SGCZ: variants seen among roughly 807,000 people sequenced by gnomAD.
SGCZ encodes zeta-sarcoglycan.
SGCZ carries 40 observed loss-of-function variants against 41.3 expected under a neutral mutation model. The ratio of observed to expected loss-of-function variants is 0.97; its 90% CI spans 0.75 to 1.26. SGCZ has a LOEUF of 1.26. Among genes scored for constraint, SGCZ ranks in the 50% most tolerant of loss-of-function variants. The pLI is 0.00. For synonymous variants in SGCZ, 206 were observed against 137.5 expected, an observed-to-expected ratio of 1.50 and a Z score of -3.49; for missense variants, 552 against 369.8, an observed-to-expected ratio of 1.49 and a Z score of -4.04.
intron 1 of SGCZ, among the ~76,000 whole-genome samples, chr8:14,623,374 G>C (rs1035171146): frequency 1.3e-5 from 2 of 152,144 alleles, no homozygotes; most frequent in South Asian, 2.1e-4. Flanking sequence ...ACATCTCTTT[G>C]CGTGAAGCAA....
intron 5 of SGCZ, among the ~76,000 whole-genome samples, chr8:14,124,566 T>G (rs1054120991): frequency 1.3e-5 from 2 of 152,208 alleles, no homozygotes; most frequent in African/African-American, 2.4e-5. Context: ...ATATTACTGT[T>G]TTACCAAATT....
At chr8:15,013,153 T>A (rs1448313712) in intron 1 of SGCZ, among the ~76,000 whole-genome samples, 1 of 152,176 alleles carries the variant, frequency 6.6e-6, no homozygotes, top group Non-Finnish European at 1.5e-5. Flanking sequence ...GGAGTAGACT[T>A]ATCTCCCTTA....
chr8:14,324,557 G>A (rs1412555293), intron 2 of SGCZ, among the ~76,000 whole-genome samples: 1 of 152,036 alleles, frequency 6.6e-6, no homozygotes, highest in East Asian at 1.9e-4. Context: ...AACTTTGTTT[G>A]CAGAGAAATC....
chr8:14,251,980 G>A (rs188040281), intron 3 of SGCZ, among the ~76,000 whole-genome samples: 22 of 152,194 alleles, frequency 1.4e-4, no homozygotes, highest in Admixed American at 3.9e-4. Flanking sequence ...AAAGTGTTGG[G>A]ATTACAGGCG....
At chr8:14,181,513 A>G (rs865937066) in intron 4 of SGCZ, among the ~76,000 whole-genome samples, 1 of 152,168 alleles carries the variant, frequency 6.6e-6, no homozygotes, top group African/African-American at 2.4e-5. Context: ...TTACCTGTTG[A>G]TATGGTTTGG....
intron 1 of SGCZ, among the ~76,000 whole-genome samples, chr8:14,686,707 C>T (rs1457667779): frequency 6.6e-6 from 1 of 151,948 alleles, no homozygotes; most frequent in Admixed American, 6.6e-5. Context: ...ATCTAGACTA[C>T]ATCAGGGAAG....
chr8:14,572,190 C>G (rs995664065), intron 1 of SGCZ, among the ~76,000 whole-genome samples: 3 of 152,128 alleles, frequency 2.0e-5, no homozygotes, highest in African/African-American at 4.8e-5. Context: ...TTTTACTGCT[C>G]TCTACCAGAT....
At chr8:14,413,428 G>T (rs1212449282) in intron 2 of SGCZ, among the ~76,000 whole-genome samples, 2 of 151,708 alleles carry the variant, frequency 1.3e-5, no homozygotes, top group Admixed American at 6.6e-5. Context: ...TTCTATCTTT[G>T]CAAGGAAAGA....
chr8:14,603,552 A>G (rs894138404), intron 1 of SGCZ, among the ~76,000 whole-genome samples: 7 of 152,166 alleles, frequency 4.6e-5, no homozygotes, highest in Non-Finnish European at 7.4e-5. Context: ...ATAAATAGTG[A>G]TATTTTAAAC....
chr8:14,347,641 C>A (rs1366561175), intron 2 of SGCZ, among the ~76,000 whole-genome samples: 1 of 150,752 alleles, frequency 6.6e-6, no homozygotes, highest in Non-Finnish European at 1.5e-5. Flanking sequence ...AATACATATA[C>A]ACATAGGTAA....
intron 1 of SGCZ, among the ~76,000 whole-genome samples, chr8:14,926,465 T>G (rs1311595621): frequency 6.6e-6 from 1 of 151,926 alleles, no homozygotes; most frequent in African/African-American, 2.4e-5. Flanking sequence ...ACATGCACAT[T>G]TATCACGTAA....
intron 1 of SGCZ, among the ~76,000 whole-genome samples, chr8:15,207,432 A>G (rs537514586): frequency 6.6e-6 from 1 of 152,332 alleles, no homozygotes; most frequent in South Asian, 2.1e-4. Flanking sequence ...GGATCTGGTG[A>G]AAGAGACAAA....
chr8:14,479,448 T>C (rs570287329), intron 2 of SGCZ, among the ~76,000 whole-genome samples: 22 of 152,242 alleles, frequency 1.4e-4, no homozygotes, highest in African/African-American at 4.6e-4. Flanking sequence ...GGTCTCCCAG[T>C]TCACTGACAA....
At chr8:15,101,829 G>A (rs1806625416) in intron 1 of SGCZ, among the ~76,000 whole-genome samples, 1 of 152,158 alleles carries the variant, frequency 6.6e-6, no homozygotes, top group African/African-American at 2.4e-5. Flanking sequence ...ACTCGCTGAA[G>A]CAGGAGAATT....
At chr8:14,826,245 C>G (rs1435155402) in intron 1 of SGCZ, among the ~76,000 whole-genome samples, 1 of 152,002 alleles carries the variant, frequency 6.6e-6, no homozygotes. Context: ...CATCCATGTC[C>G]CTACAAAGGA....
At chr8:14,349,866 A>G (rs904330286) in intron 2 of SGCZ, among the ~76,000 whole-genome samples, 2 of 152,176 alleles carry the variant, frequency 1.3e-5, no homozygotes, top group Non-Finnish European at 2.9e-5. Flanking sequence ...GTTAGAAATC[A>G]TATATCCCTT....
At position 14,818,391 on chromosome 8, in the gene SGCZ, C is replaced by G. The variant is rs367615041; in HGVS notation, c.40-263465G>C. On this transcript the variant is annotated intron_variant, in intron 1 of 7. Coordinates refer to ENST00000382080, the MANE Select transcript of SGCZ (RefSeq NM_139167.4). ...CTAATGAGAATTATAGCCAAAGAAA[C>G]TGCACAGAGACCACAGAGGCTAGCC... is the stretch of plus-strand genomic sequence containing the variant. 9.2e-5 allele frequency among the ~76,000 whole-genome samples: 14 copies of G among 152,260 alleles called. No individual in the cohort carries two copies. The East Asian group carries it at 1.7e-3, about 19-fold the overall frequency.
intron 2 of SGCZ, among the ~76,000 whole-genome samples, chr8:14,348,606 T>C (rs1417887249): frequency 6.6e-6 from 1 of 152,162 alleles, no homozygotes; most frequent in African/African-American, 2.4e-5. Flanking sequence ...ACTTGGCATA[T>C]ATTCGCTGAA....
intron 1 of SGCZ, among the ~76,000 whole-genome samples, chr8:14,574,535 C>T (rs781477618): frequency 6.6e-6 from 1 of 152,176 alleles, no homozygotes; most frequent in Non-Finnish European, 1.5e-5. Context: ...TCTGAGCAGA[C>T]AGGACTTGCT....
Sources: allele counts gnomAD v4.1 joint callset (sites outside exome capture counted in the v4.1 genomes callset), GRCh38; gene constraint gnomAD v4.1.1; transcripts MANE v1.5; gene names NCBI Gene and HGNC (gene_info 2026-07-23, HGNC 2026-07-21).